IL6R: variants seen among roughly 807,000 people sequenced by gnomAD.
The protein encoded by IL6R is interleukin-6 receptor subunit alpha.
IL6R carries 38 observed loss-of-function variants against 48.3 expected under a neutral mutation model. The observed-to-expected ratio is 0.79, with a 90% confidence interval of 0.61 to 1.03. The LOEUF is 1.03. Ranked by LOEUF, IL6R falls within the 50% of genes least tolerant of loss-of-function variation. The probability of loss-of-function intolerance (pLI) is 0.00; values close to 1 mark genes in which losing one functional copy is unlikely to be tolerated. For synonymous variants in IL6R, 264 were observed against 256.2 expected (o/e 1.03, Z -0.29); for missense variants, 534 against 618.3 (o/e 0.86, Z 1.45).
At chr1:154,435,758 T>C (rs1444204899) in intron 5 of IL6R, among the ~76,000 whole-genome samples, 1 of 152,230 alleles carries the variant, frequency 6.6e-6, no homozygotes, top group Non-Finnish European at 1.5e-5. Context: ...CAGGATTCTA[T>C]AGTGCATGGG....
chr1:154,465,211 T>G lies in IL6R; in HGVS notation c.1238T>G (p.Leu413Arg), dbSNP rs1214944137. The change falls in exon 10 of 10, where the codon CTG becomes CGG. Residue 413 changes from leucine to arginine, a missense_variant. By Grantham distance (102) the Leu-to-Arg change is moderately radical (BLOSUM62 -2). Coordinates refer to ENST00000368485, the MANE Select transcript of IL6R (RefSeq NM_000565.4). ...SMHPPYSLGQ[L>R]VPERPRPTPV... ...CATCCGCCGTACTCTTTGGGGCAGC[T>G]GGTCCCGGAGAGGCCTCGACCCACC... 3 of 1,614,078 alleles carry G rather than the reference T, an allele frequency of 1.9e-6. No individual in the cohort carries two copies. Among genetic ancestry groups the G allele is most frequent in the African/African-American group, 2.7e-5 (2 of 74,920 alleles).
chr1:154,440,717 C>T (rs367756758), intron 6 of IL6R, among the ~76,000 whole-genome samples: 11 of 139,976 alleles, frequency 7.9e-5, no homozygotes, highest in South Asian at 4.6e-4. Context: ...TGCAGTGGGG[C>T]GATCTTGGCT....
chr1:154,441,999 A>G (rs1281482096), intron 6 of IL6R, among the ~76,000 whole-genome samples: 1 of 152,212 alleles, frequency 6.6e-6, no homozygotes, highest in Non-Finnish European at 1.5e-5. Flanking sequence ...TGCATTTGTA[A>G]GGGGATCAGC....
At chr1:154,429,465 C>T (rs779172175) in intron 2 of IL6R, 21 bp downstream of exon 2, 9 of 1,594,208 alleles carry the variant, frequency 5.6e-6, no homozygotes, top group Non-Finnish European at 7.7e-6. Context: ...CCTCAGAGGT[C>T]CCGGAGATAG....
intron 6 of IL6R, among the ~76,000 whole-genome samples, chr1:154,440,028 G>A (rs1469850910): frequency 6.6e-6 from 1 of 152,006 alleles, no homozygotes; most frequent in African/African-American, 2.4e-5. Context: ...TTAGCCTCCT[G>A]AGTAGCTGAG....
intron 9 of IL6R, among the ~76,000 whole-genome samples, chr1:154,458,124 G>A (rs910554736): frequency 5.3e-5 from 8 of 151,756 alleles, no homozygotes; most frequent in Admixed American, 2.0e-4. Context: ...CCACCACCAC[G>A]CCTGGCTAAT....
intron 9 of IL6R, among the ~76,000 whole-genome samples, chr1:154,461,429 C>A (rs7546552): frequency 0.67 from 101,792 of 151,568 alleles, 35,625 homozygotes; most frequent in East Asian, 0.82. Flanking sequence ...CAGACACTGG[C>A]GTTACCGCTT....
intron 1 of IL6R, among the ~76,000 whole-genome samples, chr1:154,412,554 G>A (rs998966881): frequency 1.3e-5 from 2 of 152,110 alleles, no homozygotes; most frequent in African/African-American, 2.4e-5. Context: ...TACCGCGCCC[G>A]GCCTTTAAAA....
chr1:154,414,265 A>T, intron 1 of IL6R: 1 of 541,726 alleles, frequency 1.8e-6, no homozygotes, highest in Non-Finnish European at 3.2e-6. Flanking sequence ...ATTTTTATTT[A>T]TTTTTTGAGA....
At chr1:154,418,883 A>G (rs1570932301) in intron 1 of IL6R, among the ~76,000 whole-genome samples, 1 of 150,222 alleles carries the variant, frequency 6.7e-6, no homozygotes, top group African/African-American at 2.5e-5. Context: ...GATGGCGCTG[A>G]CCCCCCCTTG....
At chr1:154,411,867 C>T (rs1688039511) in intron 1 of IL6R, among the ~76,000 whole-genome samples, 1 of 151,208 alleles carries the variant, frequency 6.6e-6, no homozygotes, top group African/African-American at 2.4e-5. Flanking sequence ...GACCCTGTCT[C>T]AACAACAACA....
At chr1:154,458,103 A>T (rs1378296201) in intron 9 of IL6R, among the ~76,000 whole-genome samples, 1 of 150,648 alleles carries the variant, frequency 6.6e-6, no homozygotes, top group African/African-American at 2.4e-5. Flanking sequence ...AGTAGGTGGG[A>T]CTACAGGCGC....
At chr1:154,417,341 G>C (rs1242449302) in intron 1 of IL6R, among the ~76,000 whole-genome samples, 1 of 152,148 alleles carries the variant, frequency 6.6e-6, no homozygotes. Flanking sequence ...AGGTTGGCCT[G>C]AGTCGTCCTT....
intron 3 of IL6R, among the ~76,000 whole-genome samples, chr1:154,431,638 G>A (rs1689302060): frequency 6.6e-6 from 1 of 152,170 alleles, no homozygotes. Context: ...ATATGAGGTT[G>A]TGAAATGCCT....
chr1:154,461,394 G>A (rs551249122), intron 9 of IL6R, among the ~76,000 whole-genome samples: 15 of 152,246 alleles, frequency 9.9e-5, no homozygotes, highest in African/African-American at 3.6e-4. Context: ...CCTTTTGCCG[G>A]TCTGCTAAGT....
intron 6 of IL6R, among the ~76,000 whole-genome samples, chr1:154,437,206 C>A (rs556469883): frequency 6.6e-6 from 1 of 152,120 alleles, no homozygotes; most frequent in African/African-American, 2.4e-5. Context: ...ATGCCATTCT[C>A]CTGCCTCAGC....
intron 7 of IL6R, among the ~76,000 whole-genome samples, chr1:154,448,875 C>CTTCTTTTTTTTTTTTTTTTTTT (rs55844786): frequency 1.4e-5 from 1 of 73,330 alleles, no homozygotes; most frequent in African/African-American, 5.1e-5. Flanking sequence ...CTTGTAAGGG[C>CTTCTTTTTTTTTTTTTTTTTTT]TTTTTTTTTT....
intron 1 of IL6R, chr1:154,415,185 C>A (rs1570925141): frequency 1.4e-6 from 1 of 698,654 alleles, no homozygotes; most frequent in Admixed American, 2.0e-5. Context: ...GGGCCCGGAG[C>A]TCAAGGCGCC....
chr1:154,421,859 G>A (rs928259610), intron 1 of IL6R, among the ~76,000 whole-genome samples: 18 of 152,158 alleles, frequency 1.2e-4, no homozygotes, highest in South Asian at 2.1e-4. Context: ...GGGCACAAAC[G>A]ATCCTCCCAT....
Sources: gnomAD v4.1 joint callset for allele counts (sites outside exome capture counted in the v4.1 genomes callset) on GRCh38, gnomAD v4.1.1 for gene constraint, MANE v1.5 for transcripts, NCBI Gene and HGNC (gene_info 2026-07-23, HGNC 2026-07-21) for gene names.